TDRD1: variants seen among roughly 807,000 people sequenced by gnomAD.
TDRD1 encodes the protein tudor domain-containing protein 1.
Under a neutral mutation model 140.6 loss-of-function variants are expected in TDRD1, and 37 were observed. The observed-to-expected ratio is 0.26, with a 90% CI of 0.20 to 0.35. TDRD1 has a LOEUF of 0.35. Among genes scored for constraint, TDRD1 ranks in the 10% least tolerant of loss-of-function variants. The probability of loss-of-function intolerance (pLI) is 1.00; values close to 1 mark genes in which losing one functional copy is unlikely to be tolerated. For missense variants in TDRD1, 1,243 were observed against 1,393.0 expected (o/e 0.89, Z 1.71); for synonymous variants, 506 against 475.7 (o/e 1.06, Z -0.83).
exon 10 of TDRD1, chr10:114,204,872 G>C: frequency 6.3e-7 from 1 of 1,590,594 alleles, no homozygotes; most frequent in Non-Finnish European, 8.5e-7. Flanking sequence ...CTTTGCTGTA[G>C]AAGTTGAGCT....
rs200084550 is a variant in TDRD1, at chr10:114,204,123, A to C, written c.1032A>C (p.Ala344=). 1.2e-5 allele frequency: 19 copies of C among 1,606,160 alleles called. No homozygotes were observed. In the Admixed American group the frequency reaches 1.9e-4, roughly 16 times the overall value. Residue 344 remains alanine, a synonymous_variant, in exon 9 of 26, where the codon GCA becomes GCC. Transcript: ENST00000251864. ...ACGTTGATGTGCAGCAAAAGAAGGC[A>C]CATGTCTTATATATTGATTATGGAA...
At chr10:114,213,450 A>G in exon 15 of TDRD1, 4 of 1,614,098 alleles carry the variant, frequency 2.5e-6, no homozygotes, top group Non-Finnish European at 3.4e-6. Flanking sequence ...CAAGTTGGAA[A>G]ACAGTTCCCT....
At chr10:114,226,194 A>T (rs2036426092) in exon 22 of TDRD1, 1 of 1,613,156 alleles carries the variant, frequency 6.2e-7, no homozygotes, top group Non-Finnish European at 8.5e-7. Flanking sequence ...TTCCTTTCCA[A>T]ATTATTAGAT....
At chr10:114,189,521 C>T (rs1360337785) in intron 2 of TDRD1, among the ~76,000 whole-genome samples, 1 of 152,206 alleles carries the variant, frequency 6.6e-6, no homozygotes, top group African/African-American at 2.4e-5. Flanking sequence ...AAACTTGTGT[C>T]TGCCACTTTG....
In TDRD1 at chr10:114,188,137, C is replaced by T. The variant is rs777192460; in HGVS notation, c.306C>T (p.Asp102=). 4 of 1,579,016 alleles carry T rather than the reference C, an allele frequency of 2.5e-6. No individual in the cohort carries two copies. In the African/African-American group the frequency reaches 4.1e-5, roughly 16 times the overall value. ...GAGAAGTAGTTGGCTCCAAAGGAGA[C>T]AGGAAAAAATTGCCAGCAGGTGAGT... The change falls in exon 2 of 26, where the codon GAC becomes GAT. Residue 102 remains aspartate, a synonymous_variant. Coordinates refer to ENST00000251864, the Ensembl canonical transcript of TDRD1.
At chr10:114,190,555 T>C (rs2033888326) in intron 2 of TDRD1, among the ~76,000 whole-genome samples, 1 of 152,238 alleles carries the variant, frequency 6.6e-6, no homozygotes, top group South Asian at 2.1e-4. Flanking sequence ...TGGCGCTATC[T>C]CAGCTCACTG....
intron 14 of TDRD1, 130 bp from the exon 15 acceptor site, chr10:114,213,213 GTTC>G (rs766437040): frequency 8.3e-5 from 66 of 798,644 alleles, no homozygotes; most frequent in Non-Finnish European, 1.2e-4. Context: ...TCATTTTTAT[GTTC>G]TTCTTAAGTG....
intron 6 of TDRD1, among the ~76,000 whole-genome samples, chr10:114,202,572 T>C (rs978774254): frequency 6.6e-6 from 1 of 152,230 alleles, no homozygotes; most frequent in Admixed American, 6.5e-5. Context: ...TGTACTCTAA[T>C]AGGGCCTAGT....
intron 1 of TDRD1, among the ~76,000 whole-genome samples, chr10:114,180,242 C>T (rs1391360744): frequency 1.3e-5 from 2 of 152,170 alleles, no homozygotes; most frequent in African/African-American, 4.8e-5. Flanking sequence ...GAAGTACTAG[C>T]CACTGTGCTA....
At chr10:114,185,537 T>G (rs1366879332) in intron 1 of TDRD1, among the ~76,000 whole-genome samples, 1 of 152,078 alleles carries the variant, frequency 6.6e-6, no homozygotes, top group Non-Finnish European at 1.5e-5. Context: ...CTCAATAGTT[T>G]CTACCTTGAG....
At chr10:114,175,577 C>A (rs2032676005), upstream of TDRD1, among the ~76,000 whole-genome samples, 3 of 152,054 alleles carry the variant, frequency 2.0e-5, no homozygotes, top group South Asian at 6.2e-4. Context: ...AAGAGCATTG[C>A]CCAAAAAAAG....
chr10:114,220,770 A>G, exon 19 of TDRD1: 1 of 1,611,764 alleles, frequency 6.2e-7, no homozygotes, highest in Non-Finnish European at 8.5e-7. Flanking sequence ...AATCTGCTTC[A>G]CCACATAAAG....
At chr10:114,186,202 G>T (rs1377256635) in intron 1 of TDRD1, among the ~76,000 whole-genome samples, 1 of 151,984 alleles carries the variant, frequency 6.6e-6, no homozygotes, top group Non-Finnish European at 1.5e-5. Context: ...CACATTCTTT[G>T]TATTTCTTAT....
At chr10:114,182,083 G>A (rs1424438206) in intron 1 of TDRD1, among the ~76,000 whole-genome samples, 1 of 152,184 alleles carries the variant, frequency 6.6e-6, no homozygotes, top group Non-Finnish European at 1.5e-5. Context: ...TGCATAAATG[G>A]TAGTGTTCAA....
chr10:114,187,340 T>C (rs1180705600), intron 1 of TDRD1, among the ~76,000 whole-genome samples: 1 of 152,142 alleles, frequency 6.6e-6, no homozygotes, highest in East Asian at 1.9e-4. Context: ...AGGCAGTGAG[T>C]GCGAGGGCAT....
At chr10:114,209,824 CAATG>C (rs1392589269) in intron 11 of TDRD1, among the ~76,000 whole-genome samples, 1 of 152,168 alleles carries the variant, frequency 6.6e-6, no homozygotes, top group Admixed American at 6.5e-5. Context: ...GTGTTTAAAA[CAATG>C]AAGTCAGCCT....
chr10:114,187,026 G>A (rs1234088218), intron 1 of TDRD1, among the ~76,000 whole-genome samples: 1 of 152,176 alleles, frequency 6.6e-6, no homozygotes, highest in Non-Finnish European at 1.5e-5. Context: ...AAGAAGAGGT[G>A]TTCGTCCCTT....
intron 2 of TDRD1, among the ~76,000 whole-genome samples, chr10:114,188,912 A>T (rs1362694650): frequency 1.3e-5 from 2 of 150,656 alleles, no homozygotes; most frequent in African/African-American, 2.4e-5. Context: ...TAAAGAGGTT[A>T]GGACCTGGTA....
intron 21 of TDRD1, among the ~76,000 whole-genome samples, chr10:114,225,510 C>T (rs1451375154): frequency 6.6e-6 from 1 of 151,658 alleles, no homozygotes; most frequent in Admixed American, 6.6e-5. Flanking sequence ...TTCCAGCTTC[C>T]AATATTCTGT....
Sources: allele counts gnomAD v4.1 joint callset (sites outside exome capture counted in the v4.1 genomes callset), GRCh38; gene constraint gnomAD v4.1.1; transcripts MANE v1.5; gene names NCBI Gene and HGNC (gene_info 2026-07-23, HGNC 2026-07-21).